NPAS2: variants seen among roughly 807,000 people sequenced by gnomAD.
NPAS2 encodes the protein neuronal PAS domain-containing protein 2.
In NPAS2, 23 loss-of-function variants were observed where a neutral mutation model predicts 107.5. The observed-to-expected ratio is 0.21, with a 90% CI of 0.15 to 0.30. NPAS2 has a LOEUF of 0.30. Ranked by LOEUF, NPAS2 falls within the 10% of genes least tolerant of loss-of-function variation. The pLI is 1.00. For synonymous variants in NPAS2, 403 were observed against 417.5 expected, an observed-to-expected ratio of 0.97 and a Z score of 0.42; for missense variants, 756 against 1,043.3, an observed-to-expected ratio of 0.72 and a Z score of 3.79.
chr2:100,964,771 C>A, intron 8 of NPAS2, 90 bp from the exon 9 acceptor site: 2 of 751,274 alleles, frequency 2.7e-6, no homozygotes, highest in Non-Finnish European at 2.2e-6. Context: ...ATTTTAACTT[C>A]TGTTACCCAC....
At position 100,964,842 on chromosome 2, in the gene NPAS2, T is replaced by C. The variant is rs772335075; in HGVS notation, c.718-19T>C. On this transcript the variant is annotated intron_variant, in intron 8 of 20. Coordinates refer to ENST00000335681, the MANE Select transcript of NPAS2 (RefSeq NM_002518.4). ...CTGGCACCCAAGCAACTTTTTTTTT[T>C]TTTCTGCTTCCAATACAGGAAATGT... 10 of 1,566,534 alleles carry C rather than the reference T, an allele frequency of 6.4e-6. No homozygotes were observed. Among genetic ancestry groups the C allele is most frequent in the East Asian group, 2.3e-5 (1 of 43,520 alleles).
chr2:100,874,913 A>G (rs1679858306), intron 1 of NPAS2, among the ~76,000 whole-genome samples: 1 of 152,132 alleles, frequency 6.6e-6, no homozygotes, highest in Non-Finnish European at 1.5e-5. Flanking sequence ...CAAGGACCCA[A>G]GGAGACGGAT....
intron 1 of NPAS2, among the ~76,000 whole-genome samples, chr2:100,860,327 T>TA (rs1678858976): frequency 1.3e-5 from 2 of 152,216 alleles, no homozygotes; most frequent in African/African-American, 4.8e-5. Flanking sequence ...ATGCAGTGTA[T>TA]CAGACGACCA....
At chr2:100,932,582 T>A (rs1684028519) in intron 3 of NPAS2, among the ~76,000 whole-genome samples, 1 of 152,230 alleles carries the variant, frequency 6.6e-6, no homozygotes. Flanking sequence ...CCTATTGCCT[T>A]CATAGGTGGT....
At chr2:100,863,230 G>A (rs1194614893) in intron 1 of NPAS2, among the ~76,000 whole-genome samples, 1 of 152,214 alleles carries the variant, frequency 6.6e-6, no homozygotes, top group Non-Finnish European at 1.5e-5. Flanking sequence ...TCACACAGGT[G>A]TAGGAGTTGG....
At chr2:100,911,959 T>C (rs1294483719) in intron 2 of NPAS2, among the ~76,000 whole-genome samples, 1 of 152,222 alleles carries the variant, frequency 6.6e-6, no homozygotes, top group Non-Finnish European at 1.5e-5. Context: ...GGAATGCTCA[T>C]AGATGCTCTT....
At chr2:100,889,584 C>T (rs1367708696) in intron 1 of NPAS2, among the ~76,000 whole-genome samples, 1 of 152,154 alleles carries the variant, frequency 6.6e-6, no homozygotes, top group Admixed American at 6.5e-5. Flanking sequence ...ACCGGATATC[C>T]TGAAGTTGGG....
At chr2:100,891,081 A>G (rs1681027369) in intron 1 of NPAS2, among the ~76,000 whole-genome samples, 1 of 151,908 alleles carries the variant, frequency 6.6e-6, no homozygotes, top group Non-Finnish European at 1.5e-5. Context: ...AAATACAAAA[A>G]ATTAGCCGGG....
At chr2:100,868,608 G>A (rs1679385111) in intron 1 of NPAS2, among the ~76,000 whole-genome samples, 1 of 152,140 alleles carries the variant, frequency 6.6e-6, no homozygotes, top group South Asian at 2.1e-4. Flanking sequence ...TAGAACTTGA[G>A]TTTTGCATGT....
At chr2:100,991,568 C>T (rs1048204112) in intron 19 of NPAS2, among the ~76,000 whole-genome samples, 2 of 152,120 alleles carry the variant, frequency 1.3e-5, no homozygotes, top group Non-Finnish European at 2.9e-5. Flanking sequence ...GTAGAAGCCT[C>T]GCAGGCACCC....
chr2:100,877,440 C>A (rs561494865), intron 1 of NPAS2, among the ~76,000 whole-genome samples: 1 of 91,318 alleles, frequency 1.1e-5, no homozygotes, highest in African/African-American at 5.2e-5. Flanking sequence ...AGTGAGACTC[C>A]GTCTCAAAAA....
upstream of NPAS2, among the ~76,000 whole-genome samples, chr2:100,819,821 C>CCCCGACCCTGCGCCCCAGG (rs1675950689): frequency 6.6e-6 from 1 of 152,116 alleles, no homozygotes; most frequent in Non-Finnish European, 1.5e-5. The surrounding 1 kb of genome is among the most constrained non-coding windows in gnomAD (Gnocchi z 5.8). Context: ...CGGCGCCCAA[C>CCCCGACCCTGCGCCCCAGG]CCCGACCCTG....
At chr2:100,860,782 G>T (rs552949440) in intron 1 of NPAS2, among the ~76,000 whole-genome samples, 1 of 152,124 alleles carries the variant, frequency 6.6e-6, no homozygotes. Flanking sequence ...TGACGTGTCC[G>T]CATCATTCTT....
intron 7 of NPAS2, among the ~76,000 whole-genome samples, chr2:100,951,925 G>A (rs1024038187): frequency 5.9e-5 from 9 of 151,568 alleles, no homozygotes; most frequent in Admixed American, 3.3e-4. Context: ...CGAGGCGGGC[G>A]GATCACGAGG....
chr2:100,993,264 T>A, intron 19 of NPAS2, 83 bp from the exon 20 acceptor site: 1 of 1,359,028 alleles, frequency 7.4e-7, no homozygotes, highest in Non-Finnish European at 9.9e-7. Context: ...ACTTATTTGT[T>A]TTTTCTTTGT....
chr2:100,875,424 CAATTTTTAAAAATAA>C (rs1322996691), intron 1 of NPAS2, among the ~76,000 whole-genome samples: 5 of 151,420 alleles, frequency 3.3e-5, no homozygotes, highest in African/African-American at 1.2e-4. Context: ...TATTTTACCA[CAATTTTTAAAAATAA>C]AATTTTTAAA....
rs188486849 is a variant in NPAS2, at chr2:100,841,513, A to G, written c.-23+21099A>G. Among the ~76,000 whole-genome samples the G allele has an allele frequency of 1.3e-3, 196 of 152,310 alleles. 1 individual carries two copies. Among genetic ancestry groups the G allele is most frequent in the Admixed American group, 6.1e-3 (93 of 15,300 alleles). ...AAATATACCTATGAAAAATTTGGAG[A>G]AAGTGTTAAAACAAGCATAATCCCT... On this transcript the variant is annotated intron_variant, in intron 1 of 20. Transcript: ENST00000335681.
intron 1 of NPAS2, among the ~76,000 whole-genome samples, chr2:100,876,841 G>T (rs545444426): frequency 1.3e-4 from 20 of 152,326 alleles, no homozygotes; most frequent in Middle Eastern, 3.4e-3. Flanking sequence ...ACATGTGGAG[G>T]TGGACGTCTG....
At position 100,820,325 on chromosome 2, in the gene NPAS2, C is replaced by A; in HGVS notation, c.-112C>A. ...CCGGGAGGAGCTCGCCGCGCCCGCTCGCCGCCTCGTCTCCCAGCGGCGGCG... is the reference window on the plus strand; with the variant it reads ...CCGGGAGGAGCTCGCCGCGCCCGCTAGCCGCCTCGTCTCCCAGCGGCGGCG... On this transcript the variant is annotated 5_prime_UTR_variant, in exon 1 of 21. Transcript: ENST00000335681. This position sits in a 1 kb window ranked among gnomAD's most constrained non-coding sequence, Gnocchi z 5.6. The A allele has an allele frequency of 6.8e-6, 1 of 147,098 alleles. No homozygotes were observed. Among genetic ancestry groups the A allele is most frequent in the South Asian group, 1.9e-4 (1 of 5,288 alleles). The allele number at this position is 147,098 out of a possible 1,614,324, so 9.1% of individuals were successfully genotyped here.
Sources: gnomAD v4.1 joint callset for allele counts (sites outside exome capture counted in the v4.1 genomes callset) on GRCh38, gnomAD v4.1.1 for gene constraint, Gnocchi (gnomAD v3.1) non-coding constraint, MANE v1.5 for transcripts, NCBI Gene and HGNC (gene_info 2026-07-23, HGNC 2026-07-21) for gene names.